CDC42BPA: variants seen among roughly 807,000 people sequenced by gnomAD.
CDC42BPA encodes CDC42 binding protein kinase alpha, also known as serine/threonine-protein kinase MRCK alpha.
In CDC42BPA, 80 loss-of-function variants were observed where a neutral mutation model predicts 223.5. The ratio of observed to expected loss-of-function variants is 0.36; its 90% CI spans 0.30 to 0.43. CDC42BPA has a LOEUF of 0.43. CDC42BPA is among the 20% of genes least tolerant of loss of function. CDC42BPA has a pLI of 1.00. For synonymous variants in CDC42BPA, 694 were observed against 718.6 expected, an observed-to-expected ratio of 0.97 and a Z score of 0.55; for missense variants, 1,743 against 2,099.9, an observed-to-expected ratio of 0.83 and a Z score of 3.32.
chr1:227,181,268 A>G (rs1181249279), intron 5 of CDC42BPA, among the ~76,000 whole-genome samples: 1 of 152,232 alleles, frequency 6.6e-6, no homozygotes, highest in African/African-American at 2.4e-5. Context: ...ACACAGGGAA[A>G]AAAACCCACC....
intron 5 of CDC42BPA, among the ~76,000 whole-genome samples, chr1:227,163,090 ATGTG>A (rs765098051): frequency 7.6e-5 from 8 of 105,592 alleles, no homozygotes; most frequent in African/African-American, 2.4e-4. Flanking sequence ...GTTTCCAAAC[ATGTG>A]TGTTTCCAAA....
chr1:227,010,821 C>G, intron 34 of CDC42BPA: 1 of 1,096,260 alleles, frequency 9.1e-7, no homozygotes, highest in Non-Finnish European at 1.2e-6. Context: ...TTAAGCCAGG[C>G]AAAAGGAAAT....
At chr1:227,157,951 A>C (rs1273262161) in intron 6 of CDC42BPA, among the ~76,000 whole-genome samples, 2 of 134,658 alleles carry the variant, frequency 1.5e-5, no homozygotes, top group Non-Finnish European at 3.1e-5. Flanking sequence ...AAATATTTTT[A>C]TAACTTTTTT....
At chr1:227,231,495 C>T (rs1364901222) in intron 2 of CDC42BPA, among the ~76,000 whole-genome samples, 1 of 152,052 alleles carries the variant, frequency 6.6e-6, no homozygotes, top group African/African-American at 2.4e-5. Context: ...TGAGTATATG[C>T]CCAGTAATGG....
intron 32 of CDC42BPA, among the ~76,000 whole-genome samples, chr1:227,020,316 A>G (rs1206841523): frequency 2.0e-5 from 3 of 152,240 alleles, no homozygotes; most frequent in Non-Finnish European, 4.4e-5. Flanking sequence ...TTGAAGCCAG[A>G]CATTGACTTC....
intron 14 of CDC42BPA, among the ~76,000 whole-genome samples, chr1:227,104,700 A>T (rs1685605414): frequency 6.6e-6 from 1 of 152,172 alleles, no homozygotes; most frequent in African/African-American, 2.4e-5. Context: ...CCCCTAATTC[A>T]TTAAGACTGC....
chr1:227,276,421 C>T (rs1269558270), intron 1 of CDC42BPA, among the ~76,000 whole-genome samples: 1 of 151,978 alleles, frequency 6.6e-6, no homozygotes, highest in Non-Finnish European at 1.5e-5. Context: ...AGCGTCTCCG[C>T]CTGGCAGCTG....
intron 21 of CDC42BPA, among the ~76,000 whole-genome samples, chr1:227,052,403 C>T (rs1182799966): frequency 1.3e-5 from 2 of 152,162 alleles, no homozygotes; most frequent in Admixed American, 1.3e-4. Flanking sequence ...TGGTCTTTTA[C>T]TACTCATTAA....
At chr1:227,252,702 G>A (rs979885000) in intron 2 of CDC42BPA, among the ~76,000 whole-genome samples, 1 of 152,008 alleles carries the variant, frequency 6.6e-6, no homozygotes, top group Admixed American at 6.6e-5. Context: ...AAGTCAGTTG[G>A]GCTTATTTTA....
At chr1:227,211,650 C>T (rs1386115248) in intron 3 of CDC42BPA, among the ~76,000 whole-genome samples, 1 of 151,762 alleles carries the variant, frequency 6.6e-6, no homozygotes, top group Admixed American at 6.6e-5. Flanking sequence ...GATCATTATC[C>T]CAAGTGAAAA....
Position 227,303,461 on chromosome 1 carries a change from T to C in CDC42BPA, c.178+13544A>G, listed in dbSNP as rs150853577. On this transcript the variant is annotated intron_variant, in intron 1 of 36. Coordinates refer to ENST00000366766, the MANE Select transcript of CDC42BPA (RefSeq NM_001394014.1). ...TGCCCAATCCAGAAAACCTCTGTTG[T>C]ACTAAGAACATCCAACATTTGTTTG... Among the ~76,000 whole-genome samples, 583 of 152,340 alleles carry C rather than the reference T, an allele frequency of 3.8e-3. 3 individuals are homozygous for C. The highest frequency in any genetic ancestry group is 0.013 in the African/African-American group (560 of 41,586).
chr1:227,200,480 CA>C (rs1309411034), intron 3 of CDC42BPA, among the ~76,000 whole-genome samples: 34 of 145,766 alleles, frequency 2.3e-4, no homozygotes, highest in African/African-American at 6.8e-4. Context: ...AAAACAAAAA[CA>C]AAAAAAATCT....
At chr1:227,239,275 T>C (rs1485563122) in intron 2 of CDC42BPA, among the ~76,000 whole-genome samples, 1 of 151,984 alleles carries the variant, frequency 6.6e-6, no homozygotes, top group African/African-American at 2.4e-5. Context: ...GAGGGAGAAA[T>C]GAATAAACAG....
intron 16 of CDC42BPA, among the ~76,000 whole-genome samples, chr1:227,086,397 G>C (rs190612446): frequency 6.6e-6 from 1 of 152,192 alleles, no homozygotes; most frequent in Admixed American, 6.5e-5. Context: ...AGAATTTTTG[G>C]AACTATTTTC....
At chr1:227,267,385 GT>G (rs778610893) in intron 1 of CDC42BPA, among the ~76,000 whole-genome samples, 13 of 152,072 alleles carry the variant, frequency 8.5e-5, no homozygotes, top group Non-Finnish European at 1.9e-4. Context: ...GGAAGGAATA[GT>G]ATTACTATAT....
intron 15 of CDC42BPA, among the ~76,000 whole-genome samples, chr1:227,098,686 C>T (rs1440359281): frequency 6.6e-6 from 1 of 151,784 alleles, no homozygotes; most frequent in East Asian, 1.9e-4. Context: ...CATTAAAATT[C>T]AAACCCTTCT....
At chr1:227,297,967 T>TATATATATATATATATATACAC (rs369403944) in intron 1 of CDC42BPA, among the ~76,000 whole-genome samples, 3 of 132,078 alleles carry the variant, frequency 2.3e-5, no homozygotes, top group African/African-American at 8.8e-5. Flanking sequence ...TATATACATA[T>TATATATATATATATATATACAC]ACACACACAC....
rs183836286 is a variant in CDC42BPA, at chr1:227,279,610, C to T, written c.179-25455G>A. 8.4e-4 allele frequency among the ~76,000 whole-genome samples: 127 copies of T among 152,058 alleles called. 1 individual carries two copies. The highest frequency in any genetic ancestry group is 8.2e-3 in the Admixed American group (125 of 15,278). On this transcript the variant is annotated intron_variant, in intron 1 of 36. Transcript: ENST00000366766. ...TTGTAATTCCAAAAGATATATTTAA[C>T]TGAAGGCTTTATATTTGGAGACATT...
chr1:227,197,096 T>C (rs1670888685), intron 4 of CDC42BPA, among the ~76,000 whole-genome samples: 1 of 152,318 alleles, frequency 6.6e-6, no homozygotes, highest in South Asian at 2.1e-4. Flanking sequence ...TTGTAGTAAG[T>C]AGGTTAGAAA....
Sources: allele counts gnomAD v4.1 joint callset (sites outside exome capture counted in the v4.1 genomes callset), GRCh38; gene constraint gnomAD v4.1.1; transcripts MANE v1.5; gene names NCBI Gene and HGNC (gene_info 2026-07-23, HGNC 2026-07-21).